The following KHDRBS2 variants were observed in gnomAD, a reference collection of about 807,000 sequenced individuals.
KHDRBS2 encodes the protein KH RNA binding domain containing, signal transduction associated 2.
A neutral mutation model predicts 44.3 loss-of-function variants in KHDRBS2; 26 were observed. The ratio of observed to expected loss-of-function variants is 0.59; its 90% CI spans 0.43 to 0.81. The LOEUF is 0.81. Among genes scored for constraint, KHDRBS2 ranks in the 40% least tolerant of loss-of-function variants. The pLI is 0.00. For missense variants in KHDRBS2, 476 were observed against 433.1 expected, an observed-to-expected ratio of 1.10 and a Z score of -0.88; for synonymous variants, 194 against 151.1, an observed-to-expected ratio of 1.28 and a Z score of -2.08.
chr6:61,926,193 T>C (rs951867932), intron 4 of KHDRBS2, among the ~76,000 whole-genome samples: 5 of 152,176 alleles, frequency 3.3e-5, no homozygotes, highest in Non-Finnish European at 7.4e-5. Context: ...CAAATCATGA[T>C]AGGAGAAACC....
At chr6:62,063,410 A>C (rs937649783) in intron 2 of KHDRBS2, among the ~76,000 whole-genome samples, 2 of 151,502 alleles carry the variant, frequency 1.3e-5, no homozygotes, top group African/African-American at 4.8e-5. Context: ...ATCCAGCAGG[A>C]CATCAAAAAG....
At chr6:61,745,904 G>A (rs1164494915) in intron 6 of KHDRBS2, among the ~76,000 whole-genome samples, 1 of 151,912 alleles carries the variant, frequency 6.6e-6, no homozygotes, top group African/African-American at 2.4e-5. Context: ...CTTGATAATT[G>A]TGTTCTCCTT....
At chr6:62,097,631 G>A (rs1800911469) in intron 2 of KHDRBS2, among the ~76,000 whole-genome samples, 1 of 151,990 alleles carries the variant, frequency 6.6e-6, no homozygotes, top group Non-Finnish European at 1.5e-5. Context: ...CAGGTGAGGT[G>A]AGTTTCTTGT....
chr6:61,668,355 G>A, the KHDRBS2 span, among the ~76,000 whole-genome samples: 10 of 150,924 alleles, frequency 6.6e-5, no homozygotes, highest in Non-Finnish European at 1.5e-4. Flanking sequence ...ACAAGTGAGA[G>A]GCTGGTATAA....
intron 1 of KHDRBS2, among the ~76,000 whole-genome samples, chr6:62,189,686 G>A (rs1824195059): frequency 6.6e-6 from 1 of 152,108 alleles, no homozygotes; most frequent in Non-Finnish European, 1.5e-5. Context: ...TCTACAAATT[G>A]GTTGGATTAT....
chr6:61,641,323 T>C, the KHDRBS2 span, among the ~76,000 whole-genome samples: 49 of 152,288 alleles, frequency 3.2e-4, no homozygotes, highest in African/African-American at 1.1e-3. Context: ...ATAAAGCACA[T>C]TTCTGTTCAC....
chr6:61,952,078 G>A (rs903903304), intron 4 of KHDRBS2, among the ~76,000 whole-genome samples: 1 of 151,938 alleles, frequency 6.6e-6, no homozygotes, highest in Non-Finnish European at 1.5e-5. Flanking sequence ...TAATGACTAA[G>A]GCAAAATTTG....
intron 6 of KHDRBS2, among the ~76,000 whole-genome samples, chr6:61,863,259 G>T (rs78217947): frequency 0.027 from 3,657 of 134,584 alleles, 50 homozygotes; most frequent in South Asian, 0.058. Context: ...TTTTGAAGGG[G>T]TTTTTTTTTT....
intron 6 of KHDRBS2, among the ~76,000 whole-genome samples, chr6:61,749,454 T>C (rs1040426054): frequency 1.3e-5 from 2 of 152,218 alleles, no homozygotes; most frequent in Non-Finnish European, 2.9e-5. Flanking sequence ...CAAACTTTAC[T>C]GTAGAAGCAT....
the KHDRBS2 span, among the ~76,000 whole-genome samples, chr6:61,614,764 T>C: frequency 2.0e-5 from 3 of 152,236 alleles, no homozygotes; most frequent in South Asian, 6.2e-4. Context: ...GGATTTTTCA[T>C]CCATATTAAG....
chr6:61,978,173 G>C lies in KHDRBS2; in HGVS notation c.376C>G (p.His126Asp). ...AATACATGAAGCTCATCACTCAAGTGGGCATATTTGGCTTCCCCACTCTTC... is the reference window on the plus strand; with the variant it reads ...AATACATGAAGCTCATCACTCAAGTCGGCATATTTGGCTTCCCCACTCTTC... ...LRKSGEAKYA[H>D]LSDELHVLIE... The change falls in exon 4 of 9, where the codon CAC becomes GAC. Residue 126 changes from histidine (H) to aspartate (D), a missense_variant. Coordinates refer to ENST00000281156, the MANE Select transcript of KHDRBS2 (RefSeq NM_152688.4). The C allele has an allele frequency of 1.2e-6, 2 of 1,608,808 alleles. No homozygotes were observed. The highest frequency in any genetic ancestry group is 1.1e-5 in the South Asian group (1 of 89,624).
intron 2 of KHDRBS2, among the ~76,000 whole-genome samples, chr6:62,086,081 A>G (rs1195444615): frequency 1.3e-5 from 2 of 152,288 alleles, no homozygotes. Flanking sequence ...ATTCAACTGG[A>G]TGTTTGAAAG....
intron 3 of KHDRBS2, among the ~76,000 whole-genome samples, chr6:62,018,624 C>T (rs201489426): frequency 1.3e-5 from 2 of 152,234 alleles, no homozygotes; most frequent in Admixed American, 1.3e-4. Context: ...GGATTACAGG[C>T]GTGAGCCACC....
the KHDRBS2 span, among the ~76,000 whole-genome samples, chr6:61,599,077 G>T: frequency 6.6e-6 from 1 of 151,928 alleles, no homozygotes; most frequent in East Asian, 1.9e-4. Flanking sequence ...GGCATTACAG[G>T]TGCCTGCCAC....
intron 4 of KHDRBS2, among the ~76,000 whole-genome samples, chr6:61,970,023 A>C (rs1246955540): frequency 1.3e-5 from 2 of 152,052 alleles, no homozygotes; most frequent in African/African-American, 4.8e-5. Flanking sequence ...AAGGGAATGA[A>C]AGACATCTGA....
At chr6:62,066,019 T>A (rs12199820) in intron 2 of KHDRBS2, among the ~76,000 whole-genome samples, 2 of 151,548 alleles carry the variant, frequency 1.3e-5, no homozygotes, top group Admixed American at 6.6e-5. Flanking sequence ...TTTTTCATCC[T>A]GTGTGGAGAG....
At chr6:61,800,494 A>G (rs1437337647) in intron 6 of KHDRBS2, among the ~76,000 whole-genome samples, 1 of 152,076 alleles carries the variant, frequency 6.6e-6, no homozygotes, top group Non-Finnish European at 1.5e-5. Flanking sequence ...ATTAACCTGG[A>G]TCTATACTGG....
At chr6:62,230,054 T>C (rs912580367) in intron 1 of KHDRBS2, among the ~76,000 whole-genome samples, 1 of 152,208 alleles carries the variant, frequency 6.6e-6, no homozygotes, top group Non-Finnish European at 1.5e-5. Flanking sequence ...GATTCTAAAA[T>C]TGCTGTAGCG....
intron 4 of KHDRBS2, among the ~76,000 whole-genome samples, chr6:61,955,328 A>ATATACACATATGTATG (rs1440445528): frequency 3.4e-5 from 5 of 147,290 alleles, no homozygotes; most frequent in African/African-American, 1.2e-4. Context: ...ATACGTGTAT[A>ATATACACATATGTATG]TATACACATA....
Sources: gnomAD v4.1 joint callset for allele counts (sites outside exome capture counted in the v4.1 genomes callset) on GRCh38, gnomAD v4.1.1 for gene constraint, MANE v1.5 for transcripts, NCBI Gene and HGNC (gene_info 2026-07-23, HGNC 2026-07-21) for gene names.